The following NSMCE2 variants were observed in gnomAD, a reference collection of about 807,000 sequenced individuals.
NSMCE2 encodes the protein E3 SUMO-protein ligase NSE2.
NSMCE2 carries 24 observed loss-of-function variants against 23.8 expected under a neutral mutation model. That is an observed-to-expected ratio of 1.01 (90% CI 0.73 to 1.42). NSMCE2 has a LOEUF of 1.42. Ranked by LOEUF, NSMCE2 falls within the 40% of genes most tolerant of loss-of-function variation. NSMCE2 has a pLI of 0.00. For missense variants in NSMCE2, 284 were observed against 296.5 expected (o/e 0.96, Z 0.31); for synonymous variants, 92 against 94.1 (o/e 0.98, Z 0.13).
chr8:125,288,087 A>G (rs1827970421), intron 5 of NSMCE2, among the ~76,000 whole-genome samples: 1 of 152,040 alleles, frequency 6.6e-6, no homozygotes, highest in African/African-American at 2.4e-5. Context: ...CAGCCTCCCA[A>G]AGCACTGGGA....
intron 5 of NSMCE2, among the ~76,000 whole-genome samples, chr8:125,349,751 G>C (rs750875496): frequency 2.0e-5 from 3 of 152,174 alleles, no homozygotes; most frequent in Non-Finnish European, 4.4e-5. Flanking sequence ...TGTGTGGCCA[G>C]TACCAAATGT....
intron 5 of NSMCE2, among the ~76,000 whole-genome samples, chr8:125,341,915 A>C (rs964575557): frequency 3.6e-4 from 55 of 151,758 alleles, no homozygotes; most frequent in Admixed American, 1.1e-3. Flanking sequence ...AAAAAAAAAA[A>C]AAAAAAACCT....
At chr8:125,315,464 G>T (rs912857009) in intron 5 of NSMCE2, among the ~76,000 whole-genome samples, 1 of 152,166 alleles carries the variant, frequency 6.6e-6, no homozygotes, top group Admixed American at 6.5e-5. Context: ...CATCTTGCGT[G>T]TCAAAACCTC....
intron 5 of NSMCE2, among the ~76,000 whole-genome samples, chr8:125,285,421 C>T (rs1266062241): frequency 6.6e-6 from 1 of 152,064 alleles, no homozygotes; most frequent in Non-Finnish European, 1.5e-5. Context: ...CTTCCTCCCT[C>T]CTCCCCTCCC....
chr8:125,340,721 C>T (rs927794934), intron 5 of NSMCE2, among the ~76,000 whole-genome samples: 1 of 152,168 alleles, frequency 6.6e-6, no homozygotes, highest in Admixed American at 6.5e-5. Context: ...AAATAAAATT[C>T]TCTTTAAATA....
intron 3 of NSMCE2, among the ~76,000 whole-genome samples, chr8:125,108,294 A>G (rs2130405490): frequency 6.6e-6 from 1 of 152,316 alleles, no homozygotes; most frequent in South Asian, 2.1e-4. Flanking sequence ...GAGCAGTGTT[A>G]ATGTGATACC....
intron 5 of NSMCE2, among the ~76,000 whole-genome samples, chr8:125,350,493 C>A (rs114118846): frequency 4.5e-4 from 69 of 152,252 alleles, no homozygotes; most frequent in African/African-American, 1.6e-3. Context: ...GCGTATTAAT[C>A]CATTTTCATG....
chr8:125,170,224 C>T (rs896067923), intron 4 of NSMCE2, among the ~76,000 whole-genome samples: 1 of 151,932 alleles, frequency 6.6e-6, no homozygotes, highest in Non-Finnish European at 1.5e-5. Context: ...TTGTTTTTCT[C>T]CAAAACCAGC....
chr8:125,137,741 G>A (rs1820145706), intron 3 of NSMCE2, among the ~76,000 whole-genome samples: 1 of 152,166 alleles, frequency 6.6e-6, no homozygotes, highest in African/African-American at 2.4e-5. Context: ...TTATTTAATA[G>A]GTCCTGATTT....
intron 5 of NSMCE2, among the ~76,000 whole-genome samples, chr8:125,318,552 A>G (rs1036405281): frequency 1.3e-5 from 2 of 152,268 alleles, no homozygotes; most frequent in African/African-American, 2.4e-5. Flanking sequence ...AAAAGTATGT[A>G]TACAGTGATG....
At chr8:125,223,071 A>G (rs1364581868) in intron 5 of NSMCE2, among the ~76,000 whole-genome samples, 2 of 151,692 alleles carry the variant, frequency 1.3e-5, no homozygotes, top group East Asian at 1.9e-4. Flanking sequence ...CAAAAATAAA[A>G]TAAAATAAAA....
intron 5 of NSMCE2, among the ~76,000 whole-genome samples, chr8:125,347,224 G>A (rs1455620139): frequency 6.6e-6 from 1 of 152,172 alleles, no homozygotes; most frequent in Non-Finnish European, 1.5e-5. Flanking sequence ...TTGCCCAAGA[G>A]CACCCTGCTG....
chr8:125,221,307 G>T (rs917272472), intron 5 of NSMCE2, among the ~76,000 whole-genome samples: 2 of 152,166 alleles, frequency 1.3e-5, no homozygotes, highest in African/African-American at 4.8e-5. Context: ...GTGCAGTGAC[G>T]CAATCATGGC....
At chr8:125,335,529 G>A (rs1830041428) in intron 5 of NSMCE2, among the ~76,000 whole-genome samples, 1 of 152,162 alleles carries the variant, frequency 6.6e-6, no homozygotes, top group Admixed American at 6.6e-5. Context: ...GATAGTTATG[G>A]ATAGCCAGCC....
intron 5 of NSMCE2, among the ~76,000 whole-genome samples, chr8:125,208,645 C>T (rs565150065): frequency 1.3e-5 from 2 of 152,214 alleles, no homozygotes; most frequent in South Asian, 4.2e-4. Context: ...TGATTGAGTG[C>T]CAGCGTAAGT....
At chr8:125,329,893 C>T (rs1829807312) in intron 5 of NSMCE2, among the ~76,000 whole-genome samples, 1 of 152,116 alleles carries the variant, frequency 6.6e-6, no homozygotes, top group Non-Finnish European at 1.5e-5. Flanking sequence ...GACAGGTGGC[C>T]ATGGAGGTGG....
intron 5 of NSMCE2, among the ~76,000 whole-genome samples, chr8:125,237,709 A>G (rs1046404360): frequency 2.6e-5 from 4 of 152,190 alleles, no homozygotes; most frequent in South Asian, 2.1e-4. Flanking sequence ...ATAAATCTGC[A>G]TTCCTGAGTC....
intron 4 of NSMCE2, among the ~76,000 whole-genome samples, chr8:125,163,716 T>G (rs1821737783): frequency 1.3e-5 from 2 of 152,278 alleles, no homozygotes; most frequent in Middle Eastern, 3.4e-3. Context: ...TGAAAGAAAC[T>G]TCCTGATTCT....
Position 125,257,786 on chromosome 8 carries a change from G to A in NSMCE2, c.418+75530G>A, listed in dbSNP as rs182027706. On this transcript the variant is annotated intron_variant, in intron 5 of 7. Transcript: ENST00000287437. Reference sequence around the variant, plus strand: ...CCTGACTTCATTATCCGCCCTCTTCGGCCTCCCAAAGTCCTGGGATTACAG... The same window carrying A: ...CCTGACTTCATTATCCGCCCTCTTCAGCCTCCCAAAGTCCTGGGATTACAG... Among the ~76,000 whole-genome samples, 113 of 151,914 alleles carry A rather than the reference G, an allele frequency of 7.4e-4. 2 individuals carry two copies. The highest frequency in any genetic ancestry group is 2.9e-4 in the Non-Finnish European group (20 of 67,982).
Sources: allele counts gnomAD v4.1 joint callset (sites outside exome capture counted in the v4.1 genomes callset), GRCh38; gene constraint gnomAD v4.1.1; transcripts MANE v1.5; gene names NCBI Gene and HGNC (gene_info 2026-07-23, HGNC 2026-07-21).